Variants in SLC35F4 observed in about 807,000 individuals in gnomAD.
The protein encoded by SLC35F4 is solute carrier family 35 member F4, also known as chromosome 14 open reading frame 36.
Under a neutral mutation model 44.2 loss-of-function variants are expected in SLC35F4, and 24 were observed. The ratio of observed to expected loss-of-function variants is 0.54; its 90% CI spans 0.39 to 0.76. The LOEUF (loss-of-function observed/expected upper bound fraction) is 0.76. Ranked by LOEUF, SLC35F4 falls within the 30% of genes least tolerant of loss-of-function variation. The pLI is 0.00. For synonymous variants in SLC35F4, 238 were observed against 223.6 expected, an observed-to-expected ratio of 1.06 and a Z score of -0.57; for missense variants, 562 against 586.1, an observed-to-expected ratio of 0.96 and a Z score of 0.42.
Position 57,588,772 on chromosome 14 carries a change from G to A in SLC35F4, c.587+444C>T, listed in dbSNP as rs149646112. On this transcript the variant is annotated intron_variant, in intron 3 of 7. Transcript: ENST00000556826. ...TGTCAGGAATATTGAGCAAATGTTTGTGTAACAATCTTATTAATACCATTT... is the reference window on the plus strand; with the variant it reads ...TGTCAGGAATATTGAGCAAATGTTTATGTAACAATCTTATTAATACCATTT... Among the ~76,000 whole-genome samples the A allele has an allele frequency of 2.0e-4, 30 of 152,276 alleles. No individual in the cohort carries two copies. The East Asian group carries it at 5.6e-3, about 28-fold the overall frequency.
intron 1 of SLC35F4, among the ~76,000 whole-genome samples, chr14:57,860,261 T>C (rs1001673590): frequency 6.6e-6 from 1 of 152,016 alleles, no homozygotes; most frequent in African/African-American, 2.4e-5. Context: ...CAGCTTCCAA[T>C]AGACAACCAT....
intron 5 of SLC35F4, among the ~76,000 whole-genome samples, chr14:57,571,554 G>A (rs542852659): frequency 6.6e-6 from 1 of 152,290 alleles, no homozygotes; most frequent in East Asian, 1.9e-4. Context: ...TGAGGGATTA[G>A]GGCATAGCAC....
intron 1 of SLC35F4, among the ~76,000 whole-genome samples, chr14:57,631,416 A>C (rs920859400): frequency 2.0e-5 from 3 of 152,120 alleles, no homozygotes; most frequent in Non-Finnish European, 4.4e-5. Flanking sequence ...TATAAAGTTT[A>C]AGGGGCATTG....
chr14:57,610,976 G>A (rs1209895271), intron 1 of SLC35F4, among the ~76,000 whole-genome samples: 3 of 152,242 alleles, frequency 2.0e-5, no homozygotes, highest in Admixed American at 6.5e-5. Context: ...TGTGAAGAAC[G>A]CAAGAGTGGG....
chr14:57,731,634 T>G (rs1257086512), intron 1 of SLC35F4, among the ~76,000 whole-genome samples: 1 of 152,210 alleles, frequency 6.6e-6, no homozygotes, highest in Admixed American at 6.5e-5. Flanking sequence ...CTAAGTCTTT[T>G]TTGAGCACTG....
chr14:57,695,587 T>C (rs1246463499), intron 1 of SLC35F4, among the ~76,000 whole-genome samples: 1 of 151,728 alleles, frequency 6.6e-6, no homozygotes, highest in African/African-American at 2.4e-5. Flanking sequence ...TGTAAACTAG[T>C]TCAACCATTG....
intron 1 of SLC35F4, among the ~76,000 whole-genome samples, chr14:57,619,063 C>T (rs577919108): frequency 3.8e-4 from 58 of 152,222 alleles, no homozygotes; most frequent in African/African-American, 1.3e-3. Flanking sequence ...AGATAAAACC[C>T]CCATCTCCCT....
intron 1 of SLC35F4, among the ~76,000 whole-genome samples, chr14:57,900,138 C>A (rs1888969038): frequency 6.6e-6 from 1 of 152,158 alleles, no homozygotes; most frequent in Non-Finnish European, 1.5e-5. Context: ...GTGCGTTTTA[C>A]AGAGCACTGT....
intron 1 of SLC35F4, among the ~76,000 whole-genome samples, chr14:57,645,759 T>A (rs968885567): frequency 6.6e-6 from 1 of 151,296 alleles, no homozygotes; most frequent in African/African-American, 2.4e-5. Flanking sequence ...GGCTGTAGGC[T>A]TGTCATAGAT....
chr14:57,706,539 T>C (rs2075681190), intron 1 of SLC35F4, among the ~76,000 whole-genome samples: 2 of 152,032 alleles, frequency 1.3e-5, no homozygotes, highest in African/African-American at 4.8e-5. Context: ...ATATAAGGAA[T>C]GTCATGAAGA....
chr14:57,863,842 G>A (rs1887887206), intron 1 of SLC35F4, among the ~76,000 whole-genome samples: 1 of 151,972 alleles, frequency 6.6e-6, no homozygotes, highest in South Asian at 2.1e-4. Context: ...TTAACTCTAC[G>A]GTCTGAACTT....
At position 57,718,459 on chromosome 14, in the gene SLC35F4, C is replaced by A. The variant is rs148629249; in HGVS notation, c.104-124335G>T. 3.3e-3 allele frequency among the ~76,000 whole-genome samples: 496 copies of A among 152,274 alleles called. 4 individuals carry two copies. The highest frequency in any genetic ancestry group is 5.2e-3 in the Non-Finnish European group (353 of 68,008). On this transcript the variant is annotated intron_variant, in intron 1 of 7. Transcript: ENST00000556826. The stretch of plus-strand genomic sequence containing the variant: ...GTGGTTGTACCAATTTATATTCTCA[C>A]CAACAGTGTATGAGGATTCTCTTTT...
At chr14:57,620,579 G>GA (rs908576946) in intron 1 of SLC35F4, among the ~76,000 whole-genome samples, 62 of 152,154 alleles carry the variant, frequency 4.1e-4, no homozygotes, top group African/African-American at 1.1e-3. Context: ...CCAGCCACTG[G>GA]AAAAAAACAC....
intron 1 of SLC35F4, among the ~76,000 whole-genome samples, chr14:57,636,867 A>T (rs1483922400): frequency 6.6e-6 from 1 of 152,112 alleles, no homozygotes; most frequent in Non-Finnish European, 1.5e-5. Context: ...TGAACCACCT[A>T]GGCCAACAGA....
chr14:57,979,583 T>C (rs1361713527), intron 1 of SLC35F4, among the ~76,000 whole-genome samples: 2 of 152,188 alleles, frequency 1.3e-5, no homozygotes, highest in Non-Finnish European at 2.9e-5. Flanking sequence ...CTTTCATGCA[T>C]GCACACCCCA....
chr14:57,616,468 A>G (rs1508946), intron 1 of SLC35F4, among the ~76,000 whole-genome samples: 103,265 of 152,060 alleles, frequency 0.68, 35,848 homozygotes, highest in Non-Finnish European at 0.75. Flanking sequence ...CTCCCCTAGT[A>G]AAAAGCACAA....
intron 1 of SLC35F4, among the ~76,000 whole-genome samples, chr14:57,699,588 A>G (rs544421607): frequency 6.6e-6 from 1 of 152,320 alleles, no homozygotes; most frequent in African/African-American, 2.4e-5. Flanking sequence ...AAGATTTTCC[A>G]TAGGATAAAT....
chr14:57,600,990 C>T (rs1429520408), intron 1 of SLC35F4, among the ~76,000 whole-genome samples: 18 of 152,028 alleles, frequency 1.2e-4, no homozygotes, highest in South Asian at 8.3e-4. Flanking sequence ...AGAAACTTTT[C>T]ATTTCAATTT....
chr14:57,831,464 A>C (rs111827293), intron 1 of SLC35F4, among the ~76,000 whole-genome samples: 2,083 of 152,302 alleles, frequency 0.014, 54 homozygotes, highest in African/African-American at 0.046. Flanking sequence ...CCCAGGACAG[A>C]GGAGGGTGGA....
Sources: allele counts gnomAD v4.1 joint callset (sites outside exome capture counted in the v4.1 genomes callset), GRCh38; gene constraint gnomAD v4.1.1; transcripts MANE v1.5; gene names NCBI Gene and HGNC (gene_info 2026-07-23, HGNC 2026-07-21).